The following CSF1R variants were observed in gnomAD, a reference collection of about 807,000 sequenced individuals.
The protein encoded by CSF1R is macrophage colony-stimulating factor 1 receptor.
CSF1R carries 40 observed loss-of-function variants against 110.0 expected under a neutral mutation model. The observed-to-expected ratio is 0.36, with a 90% CI of 0.28 to 0.47. The LOEUF is 0.47. Ranked by LOEUF, CSF1R falls within the 20% of genes least tolerant of loss-of-function variation. CSF1R has a pLI of 0.99. For synonymous variants in CSF1R, 523 were observed against 503.4 expected (o/e 1.04, Z -0.52); for missense variants, 1,052 against 1,253.0 (o/e 0.84, Z 2.42).
intron 2 of CSF1R, 84 bp from the exon 3 acceptor site, chr5:150,080,420 C>T (rs1391782338): frequency 5.3e-6 from 8 of 1,508,470 alleles, no homozygotes; most frequent in Admixed American, 1.9e-5. Flanking sequence ...CAAGGAAGCT[C>T]AGAGAGGCTG....
intron 10 of CSF1R, among the ~76,000 whole-genome samples, chr5:150,066,760 G>C (rs1188702877): frequency 6.6e-6 from 1 of 152,106 alleles, no homozygotes; most frequent in East Asian, 1.9e-4. Flanking sequence ...AGGTAGCCAA[G>C]GGGACACAAG....
intron 16 of CSF1R, among the ~76,000 whole-genome samples, chr5:150,056,754 G>A (rs1757235245): frequency 1.3e-5 from 2 of 152,206 alleles, no homozygotes; most frequent in South Asian, 4.2e-4. Flanking sequence ...CAATCGTTAT[G>A]CCCATTTTTA....
At chr5:150,098,013 A>G (rs1759280407) in intron 1 of CSF1R, among the ~76,000 whole-genome samples, 1 of 152,240 alleles carries the variant, frequency 6.6e-6, no homozygotes, top group Non-Finnish European at 1.5e-5. Flanking sequence ...CTATAAAGCT[A>G]TAATATAGTA....
At chr5:150,057,912 C>T (rs1372260268) in intron 14 of CSF1R, among the ~76,000 whole-genome samples, 1 of 152,190 alleles carries the variant, frequency 6.6e-6, no homozygotes, top group Non-Finnish European at 1.5e-5. Context: ...GTCCTCTTCC[C>T]CATAACAGCC....
chr5:150,062,355 T>C (rs937048169), intron 10 of CSF1R, among the ~76,000 whole-genome samples: 1 of 146,880 alleles, frequency 6.8e-6, no homozygotes, highest in African/African-American at 2.5e-5. Flanking sequence ...TTCTACCTTG[T>C]GCAACCAGTT....
At chr5:150,077,142 C>A (rs1462332603) in intron 5 of CSF1R, 134 bp downstream of exon 5, 6 of 1,173,596 alleles carry the variant, frequency 5.1e-6, no homozygotes, top group South Asian at 1.3e-5. Flanking sequence ...CTTAGCCAGG[C>A]CTTGGATAAA....
chr5:150,089,807 T>C (rs1758977838), upstream of CSF1R, among the ~76,000 whole-genome samples: 2 of 152,132 alleles, frequency 1.3e-5, no homozygotes, highest in Admixed American at 6.5e-5. Flanking sequence ...ATCAAAATAG[T>C]GTGGTATCAG....
chr5:150,096,329 G>T (rs1226204440), intron 1 of CSF1R, among the ~76,000 whole-genome samples: 1 of 152,190 alleles, frequency 6.6e-6, no homozygotes, highest in African/African-American at 2.4e-5. Flanking sequence ...GGCAGAGGTT[G>T]CTGTGAGCTG....
At chr5:150,077,860 G>A (rs192005387) in intron 4 of CSF1R, among the ~76,000 whole-genome samples, 1 of 152,222 alleles carries the variant, frequency 6.6e-6, no homozygotes, top group Middle Eastern at 3.2e-3. Context: ...AAGGCCATGT[G>A]TCAAGGTGAC....
chr5:150,076,507 G>A (rs1209035530), intron 5 of CSF1R, among the ~76,000 whole-genome samples: 6 of 152,170 alleles, frequency 3.9e-5, no homozygotes, highest in Admixed American at 2.0e-4. Context: ...CTGCCCTGGA[G>A]TGTGTGCTCC....
At chr5:150,069,744 T>C in intron 9 of CSF1R, 129 bp downstream of exon 9, 3 of 859,640 alleles carry the variant, frequency 3.5e-6, no homozygotes, top group South Asian at 3.7e-5. Context: ...ACCTTGGTAC[T>C]GCTAGGATCT....
At chr5:150,105,381 TA>T (rs1417947586) in intron 1 of CSF1R, among the ~76,000 whole-genome samples, 76 of 80,536 alleles carry the variant, frequency 9.4e-4, no homozygotes, top group South Asian at 9.1e-3. Context: ...TATATATATA[TA>T]TATTTTTTTT....
intron 1 of CSF1R, among the ~76,000 whole-genome samples, chr5:150,109,064 C>CTCT (rs1554106358): frequency 2.3e-5 from 3 of 130,450 alleles, no homozygotes; most frequent in South Asian, 2.3e-4. Context: ...GCCCGCCCCC[C>CTCT]CCCCACCACC....
At chr5:150,083,907 T>G (rs967770299) in intron 1 of CSF1R, among the ~76,000 whole-genome samples, 1 of 152,166 alleles carries the variant, frequency 6.6e-6, no homozygotes, top group African/African-American at 2.4e-5. Flanking sequence ...ACCTCCCCTT[T>G]TCCCCTCCAG....
chr5:150,083,398 ACACT>A lies in CSF1R; in HGVS notation c.50-2378_50-2375del, dbSNP rs1758648897. On this transcript the variant is annotated intron_variant, in intron 1 of 20. Transcript: ENST00000675795. ...CACACACACACACACACACACACAC[ACACT>A]GCACACTAAGGCTGGACACAGCCCC... Among the ~76,000 whole-genome samples the A allele has an allele frequency of 2.2e-5, 3 of 138,772 alleles. No individual in the cohort carries two copies. The South Asian group carries it at 7.0e-4, about 32-fold the overall frequency. The allele number at this position is 138,772 out of a possible 152,430, so 91.0% of individuals were successfully genotyped here.
Position 150,099,235 on chromosome 5 carries a change from A to G in CSF1R, c.-180-12628T>C, listed in dbSNP as rs550579463. Among the ~76,000 whole-genome samples the G allele has an allele frequency of 3.9e-5, 6 of 152,058 alleles. No homozygotes were observed. In the South Asian group the frequency reaches 1.2e-3, roughly 32 times the overall value. ...GAACAACTATTAATAGAACTCTCATATATGTATTGGTAGTCAGGATGCAAA... is the reference window on the plus strand; with the variant it reads ...GAACAACTATTAATAGAACTCTCATGTATGTATTGGTAGTCAGGATGCAAA... On this transcript the variant is annotated intron_variant, in intron 1 of 21. Coordinates refer to the CSF1R transcript ENST00000286301.
At chr5:150,054,683 G>C in intron 19 of CSF1R, 3 of 458,668 alleles carry the variant, frequency 6.5e-6, no homozygotes, top group South Asian at 8.0e-5. Flanking sequence ...CTGTAATAAC[G>C]ATCTCTTAAA....
intron 5 of CSF1R, among the ~76,000 whole-genome samples, chr5:150,073,946 G>A (rs1426789929): frequency 6.6e-6 from 1 of 152,194 alleles, no homozygotes; most frequent in African/African-American, 2.4e-5. Flanking sequence ...GCCAACCAGT[G>A]AGGGTACTCT....
At chr5:150,059,603 C>T (rs976050216) in intron 14 of CSF1R, 97 bp downstream of exon 14, 3 of 1,451,512 alleles carry the variant, frequency 2.1e-6, no homozygotes. Flanking sequence ...GCATAGCCAC[C>T]CATTCATGAG....
Sources: allele counts gnomAD v4.1 joint callset (sites outside exome capture counted in the v4.1 genomes callset), GRCh38; gene constraint gnomAD v4.1.1; transcripts MANE v1.5; gene names NCBI Gene and HGNC (gene_info 2026-07-23, HGNC 2026-07-21).